The following NKD1 variants were observed in gnomAD, a reference collection of about 807,000 sequenced individuals.
NKD1 encodes the protein NKD inhibitor of Wnt signaling pathway 1.
Under a neutral mutation model 56.0 loss-of-function variants are expected in NKD1, and 21 were observed. That is an observed-to-expected ratio of 0.38 (90% CI 0.27 to 0.54). The LOEUF (loss-of-function observed/expected upper bound fraction) is 0.54. NKD1 is among the 20% of genes least tolerant of loss of function. NKD1 has a pLI of 0.82. For synonymous variants in NKD1, 263 were observed against 265.7 expected, an observed-to-expected ratio of 0.99 and a Z score of 0.10; for missense variants, 578 against 642.7, an observed-to-expected ratio of 0.90 and a Z score of 1.09.
At position 50,643,302 on chromosome 16, in the gene NKD1, C is replaced by T. The variant is rs1338423346; in HGVS notation, c.*9521C>T. The T allele has an allele frequency of 6.6e-6, 1 of 152,226 alleles. No individual in the cohort carries two copies. Among genetic ancestry groups the T allele is most frequent in the African/African-American group, 2.4e-5 (1 of 41,456 alleles). The allele number at this position is 152,226 out of a possible 1,614,324, so 9.4% of individuals were successfully genotyped here. On this transcript the variant is annotated 3_prime_UTR_variant, in exon 10 of 10. Transcript: ENST00000268459. The stretch of plus-strand genomic sequence containing the variant: ...AGTTACAGTTCAGTTAAGCAACTTA[C>T]CTAACTTGTGGCTAATGCATGGTAG...
chr16:50,627,977 GC>G, intron 6 of NKD1, among the ~76,000 whole-genome samples: 1 of 152,250 alleles, frequency 6.6e-6, no homozygotes, highest in East Asian at 1.9e-4. Context: ...AGCAAATGGG[GC>G]CTTATGGAGA....
chr16:50,568,903 T>C (rs1596711199), intron 3 of NKD1, among the ~76,000 whole-genome samples: 1 of 152,212 alleles, frequency 6.6e-6, no homozygotes, highest in Non-Finnish European at 1.5e-5. Context: ...GGAGCAGCCG[T>C]GTGCCTGATA....
At chr16:50,597,069 G>T (rs963512543) in intron 3 of NKD1, among the ~76,000 whole-genome samples, 22 of 151,200 alleles carry the variant, frequency 1.5e-4, no homozygotes, top group African/African-American at 5.1e-4. Context: ...GGGACTTTGG[G>T]GAATTGGGTA....
In NKD1 at chr16:50,642,724, C is replaced by T. The variant is rs1050591568; in HGVS notation, c.*8943C>T. 3 of 152,254 alleles carry T rather than the reference C, an allele frequency of 2.0e-5. No individual in the cohort carries two copies. Among genetic ancestry groups the T allele is most frequent in the African/African-American group, 7.2e-5 (3 of 41,444 alleles). The allele number at this position is 152,254 out of a possible 1,614,324, so 9.4% of individuals were successfully genotyped here. The stretch of plus-strand genomic sequence containing the variant: ...TAGGAGAATGTGACCCCAGAAGGCT[C>T]ATGGGAAAGGAGGTGCAGTCCTGAT... On this transcript the variant is annotated 3_prime_UTR_variant, in exon 10 of 10. Transcript: ENST00000268459.
rs1962650926 is a variant in NKD1, at chr16:50,645,074, C to CT, written c.*11293_*11294insT. 6.6e-6 allele frequency: 1 copy of CT among 152,254 alleles called. No homozygotes were observed. The highest frequency in any genetic ancestry group is 2.1e-4 in the South Asian group (1 of 4,834). The allele number at this position is 152,254 out of a possible 1,614,324, so 9.4% of individuals were successfully genotyped here. On this transcript the variant is annotated 3_prime_UTR_variant, in exon 10 of 10. Transcript: ENST00000268459. Reference sequence around the variant, plus strand: ...CTCAGGCCTGGCTGGCCTTTACCACCGTCATCTCCAGGCTTTCTGTTCATC... The same window carrying CT: ...CTCAGGCCTGGCTGGCCTTTACCACCTGTCATCTCCAGGCTTTCTGTTCATC...
At chr16:50,630,465 A>G (rs907437309) in intron 7 of NKD1, 132 bp downstream of exon 7, 1 of 937,566 alleles carries the variant, frequency 1.1e-6, no homozygotes, top group South Asian at 1.6e-5. Flanking sequence ...GTGGGGTTCA[A>G]ATGGGTCCTT....
rs1960301217 is a variant in NKD1 at position 50,548,859 on chromosome 16, AG to A, written c.58+111del. On this transcript the variant is annotated intron_variant, in intron 2 of 9. Coordinates refer to ENST00000268459, the MANE Select transcript of NKD1 (RefSeq NM_033119.5). ...ATGACCAGGGCCACCCCGAAGCCCC[AG>A]TTCCGGCCACCGGCCCCCCAAGCCC... 2.5e-6 allele frequency: 3 copies of A among 1,206,124 alleles called. No homozygotes were observed. In the African/African-American group the frequency reaches 4.9e-5, roughly 20 times the overall value. The allele number at this position is 1,206,124 out of a possible 1,614,324, so 74.7% of individuals were successfully genotyped here. A position where few individuals can be genotyped will look rare whatever the true frequency, so the allele number is the denominator to read the frequency against.
At chr16:50,557,393 T>A (rs1435252752) in intron 3 of NKD1, 1 of 152,218 alleles carries the variant, frequency 6.6e-6, no homozygotes, top group Non-Finnish European at 1.5e-5. Flanking sequence ...GGAACTAAGC[T>A]CTCCCCATGG....
Position 50,594,103 on chromosome 16 carries a change from C to T in NKD1, c.193-14191C>T, listed in dbSNP as rs189820465. Among the ~76,000 whole-genome samples, 399 of 126,226 alleles carry T rather than the reference C, an allele frequency of 3.2e-3. 3 individuals carry two copies. The highest frequency in any genetic ancestry group is 0.012 in the African/African-American group (385 of 33,258). The allele number at this position is 126,226 out of a possible 152,430, so 82.8% of individuals were successfully genotyped here. A position where few individuals can be genotyped will look rare whatever the true frequency, so the allele number is the denominator to read the frequency against. ...GGCACAAGGTGCTTAGAACAAGCTT[C>T]TTGCACTTGAATTAGGCTCTGAAAG... On this transcript the variant is annotated intron_variant, in intron 3 of 9. Transcript: ENST00000268459.
At chr16:50,611,218 C>T (rs906098154) in intron 4 of NKD1, among the ~76,000 whole-genome samples, 3 of 152,218 alleles carry the variant, frequency 2.0e-5, no homozygotes, top group Admixed American at 6.5e-5. Context: ...CCAGGTCCCC[C>T]CTGCCTCTCA....
In NKD1 at chr16:50,598,262, T is replaced by TGCGCGCGCGC. The variant is rs1555489626; in HGVS notation, c.193-10026_193-10025insGCGCGCGCGC. Among the ~76,000 whole-genome samples the TGCGCGCGCGC allele has an allele frequency of 2.3e-4, 34 of 148,666 alleles. No homozygotes were observed. Among genetic ancestry groups the TGCGCGCGCGC allele is most frequent in the African/African-American group, 5.4e-4 (21 of 39,160 alleles). On this transcript the variant is annotated intron_variant, in intron 3 of 9. Coordinates refer to ENST00000268459, the MANE Select transcript of NKD1 (RefSeq NM_033119.5). This position sits in a 1 kb window ranked among gnomAD's most constrained non-coding sequence, Gnocchi z 4.2. ...GTGTGTGTGTGTGTGTGTGTGTGTG[T>TGCGCGCGCGC]GCGCGCACACCTGTGCTCATGGACA...
In NKD1 at chr16:50,600,496, C is replaced by A. The variant is rs77888233; in HGVS notation, c.193-7798C>A. ...AACCAAACCAAACCAAGGCCCCCAA[C>A]ACCTGTGATTTTATTGATCTTATTG... On this transcript the variant is annotated intron_variant, in intron 3 of 9. Transcript: ENST00000268459. Among the ~76,000 whole-genome samples, 2,619 of 152,088 alleles carry A rather than the reference C, an allele frequency of 0.017. 135 individuals are homozygous for A. In the East Asian group the frequency reaches 0.19, roughly 11 times the overall value.
chr16:50,573,277 C>A (rs369215892), intron 3 of NKD1, among the ~76,000 whole-genome samples: 1 of 151,634 alleles, frequency 6.6e-6, no homozygotes, highest in Non-Finnish European at 1.5e-5. Context: ...TGCCCCCCTG[C>A]ACCCTGTCTG....
chr16:50,583,964 A>G (rs879657745), intron 3 of NKD1, among the ~76,000 whole-genome samples: 5 of 152,202 alleles, frequency 3.3e-5, no homozygotes, highest in Non-Finnish European at 5.9e-5. Flanking sequence ...CTTAATTCTC[A>G]GGCAGTTATT....
chr16:50,625,455 GA>G, intron 5 of NKD1, 29 bp from the exon 6 acceptor site: 1 of 1,520,586 alleles, frequency 6.6e-7, no homozygotes, highest in African/African-American at 1.4e-5. Context: ...ACAGATAGGG[GA>G]CCAGCCCCGC....
intron 3 of NKD1, among the ~76,000 whole-genome samples, chr16:50,565,115 C>G (rs543189595): frequency 4.6e-5 from 7 of 152,324 alleles, no homozygotes; most frequent in African/African-American, 1.7e-4. Context: ...GTGGCTCATG[C>G]CTGTAATCCC....
At chr16:50,549,327 C>A in intron 2 of NKD1, 95 bp from the exon 3 acceptor site, 1 of 1,489,642 alleles carries the variant, frequency 6.7e-7, no homozygotes, top group Non-Finnish European at 9.1e-7. Context: ...GTGCCGTGGT[C>A]CTTCGCCTCC....
chr16:50,575,232 A>G (rs1288594186), intron 3 of NKD1: 2 of 985,228 alleles, frequency 2.0e-6, no homozygotes, highest in African/African-American at 3.5e-5. Flanking sequence ...CTAGGGGCTG[A>G]GAGATAGGGA....
rs930528839 is a variant in NKD1, at chr16:50,548,515, G to T, written c.-39G>T. The T allele has an allele frequency of 4.2e-6, 6 of 1,432,090 alleles. No homozygotes were observed. The African/African-American group carries it at 7.5e-5, about 18-fold the overall frequency. 88.7% of individuals were successfully genotyped at this position (1,432,090 alleles called of 1,614,324 possible). On this transcript the variant is annotated 5_prime_UTR_variant, in exon 1 of 10. Coordinates refer to ENST00000268459, the MANE Select transcript of NKD1 (RefSeq NM_033119.5). ...GAGGCGCCAGGCCCGCGGGCCGGGC[G>T]CATGGCTTAGGGACGCTCCCGGCCG...
Sources: gnomAD v4.1 joint callset for allele counts (sites outside exome capture counted in the v4.1 genomes callset) on GRCh38, gnomAD v4.1.1 for gene constraint, Gnocchi (gnomAD v3.1) non-coding constraint, MANE v1.5 for transcripts, NCBI Gene and HGNC (gene_info 2026-07-23, HGNC 2026-07-21) for gene names.